Variants in GABPB2 observed in about 807,000 individuals in gnomAD.
The protein encoded by GABPB2 is GA binding protein transcription factor subunit beta 2, also known as GA-binding protein subunit beta-2.
A neutral mutation model predicts 39.1 loss-of-function variants in GABPB2; 23 were observed. The observed-to-expected ratio is 0.59, with a 90% CI of 0.42 to 0.83. The LOEUF is 0.83. Ranked by LOEUF, GABPB2 falls within the 40% of genes least tolerant of loss-of-function variation. GABPB2 has a pLI of 0.00. For synonymous variants in GABPB2, 184 were observed against 199.3 expected (o/e 0.92, Z 0.65); for missense variants, 467 against 541.1 (o/e 0.86, Z 1.36).
intron 1 of GABPB2, among the ~76,000 whole-genome samples, 195 bp from the exon 2 acceptor site, chr1:151,087,995 A>G (rs1043986288): frequency 9.9e-5 from 15 of 152,208 alleles, no homozygotes; most frequent in African/African-American, 3.6e-4. Context: ...AGAACTATGT[A>G]TTAGGGCTTG....
chr1:151,113,278 C>G (rs1680606073), intron 7 of GABPB2, among the ~76,000 whole-genome samples: 1 of 151,740 alleles, frequency 6.6e-6, no homozygotes. Context: ...ACCATCCTGG[C>G]TAACGCGGTG....
intron 1 of GABPB2, among the ~76,000 whole-genome samples, chr1:151,082,440 C>G (rs1337310006): frequency 1.7e-5 from 2 of 119,844 alleles, no homozygotes; most frequent in African/African-American, 6.4e-5. Flanking sequence ...CTTGCTCTGT[C>G]GCCCAGGCTG....
chr1:151,092,344 A>T (rs1164533396), intron 3 of GABPB2, among the ~76,000 whole-genome samples: 1 of 151,442 alleles, frequency 6.6e-6, no homozygotes, highest in East Asian at 1.9e-4. Context: ...TGACCTCGTG[A>T]TCCACCCGCC....
chr1:151,086,980 A>T (rs1024330746), intron 1 of GABPB2, among the ~76,000 whole-genome samples: 1 of 152,024 alleles, frequency 6.6e-6, no homozygotes, highest in Non-Finnish European at 1.5e-5. Flanking sequence ...TCAGCCTCCC[A>T]AGTAGCTGGG....
rs373252333 is a variant in GABPB2, at chr1:151,093,957, A to G, written c.471+571A>G. Among the ~76,000 whole-genome samples, 39 of 151,946 alleles carry G rather than the reference A, an allele frequency of 2.6e-4. No individual in the cohort carries two copies. The East Asian group carries it at 5.4e-3, about 21-fold the overall frequency. On this transcript the variant is annotated intron_variant, in intron 4 of 8. Transcript: ENST00000368918. ...AAAATTGTAAGTTGAACCCTTGTAA[A>G]TTGGGGACTATCTATGAAGCTCTAA...
rs1013737349 is a variant in GABPB2 at position 151,120,038 on chromosome 1, C to T, written c.*1782C>T. On this transcript the variant is annotated 3_prime_UTR_variant, in exon 9 of 9. Coordinates refer to ENST00000368918, the MANE Select transcript of GABPB2 (RefSeq NM_144618.3). ...CCAGCCTGACCAACATGGAGAAACC[C>T]TGTCTCTACTAAAAATACAAAATTA... is the stretch of plus-strand genomic sequence containing the variant. The T allele has an allele frequency of 1.2e-4, 19 of 152,144 alleles. No homozygotes were observed. The highest frequency in any genetic ancestry group is 3.6e-4 in the African/African-American group (15 of 41,400). 9.4% of individuals were successfully genotyped at this position (152,144 alleles called of 1,614,324 possible).
chr1:151,084,472 C>T (rs1448650312), intron 1 of GABPB2, among the ~76,000 whole-genome samples: 3 of 151,050 alleles, frequency 2.0e-5, no homozygotes, highest in African/African-American at 7.3e-5. Flanking sequence ...ATGATCAGCC[C>T]GCCTTGACCT....
At chr1:151,106,945 C>T in intron 6 of GABPB2, 92 bp from the exon 7 acceptor site, 6 of 780,416 alleles carry the variant, frequency 7.7e-6, no homozygotes, top group Non-Finnish European at 9.7e-6. Flanking sequence ...TGTTCCTCTC[C>T]CTGAATGTTG....
At chr1:151,077,944 T>C (rs1403350542) in intron 1 of GABPB2, among the ~76,000 whole-genome samples, 1 of 132,690 alleles carries the variant, frequency 7.5e-6, no homozygotes, top group Non-Finnish European at 1.6e-5. Context: ...AGAGCAAGAC[T>C]CAGTCTCAAA....
chr1:151,109,038 A>T (rs907659155), intron 7 of GABPB2, among the ~76,000 whole-genome samples: 1 of 151,798 alleles, frequency 6.6e-6, no homozygotes, highest in South Asian at 2.1e-4. Context: ...CAATTTTTTT[A>T]AAAAATAGCC....
At chr1:151,104,041 ATATCT>A (rs1457859714) in intron 6 of GABPB2, among the ~76,000 whole-genome samples, 9 of 152,154 alleles carry the variant, frequency 5.9e-5, no homozygotes, top group African/African-American at 1.7e-4. Context: ...AGCAGCCCAG[ATATCT>A]TATATTAAAG....
intron 1 of GABPB2, 100 bp downstream of exon 1, chr1:151,071,034 T>G (rs1451970499): frequency 6.6e-6 from 1 of 152,176 alleles, no homozygotes; most frequent in African/African-American, 2.4e-5. Context: ...AGCCTCGGAC[T>G]TCTGGGTGCA....
chr1:151,117,629 G>C, intron 8 of GABPB2, 113 bp downstream of exon 8: 1 of 1,177,542 alleles, frequency 8.5e-7, no homozygotes. Context: ...TGTTGCCCAG[G>C]CTGGAGTACA....
rs1678571006 is a variant in GABPB2, at chr1:151,090,431, C to T, written c.134C>T (p.Ala45Val). The change falls in exon 3 of 9, where the codon GCA becomes GTA. Residue 45 changes from alanine to valine, a missense_variant. Ala to Val is a moderately conservative substitution (Grantham distance 64). Coordinates refer to ENST00000368918, the MANE Select transcript of GABPB2 (RefSeq NM_144618.3). ...DWLGTSPLHL[A>V]AQYGHYSTAE... Reference sequence around the variant, plus strand: ...CTTGGAACATCACCCCTCCACCTTGCAGCTCAATATGGTCATTATTCCACA... The same window carrying T: ...CTTGGAACATCACCCCTCCACCTTGTAGCTCAATATGGTCATTATTCCACA... The T allele has an allele frequency of 6.2e-7, 1 of 1,613,960 alleles. No individual in the cohort carries two copies. The highest frequency in any genetic ancestry group is 1.3e-5 in the African/African-American group (1 of 75,030).
intron 1 of GABPB2, among the ~76,000 whole-genome samples, chr1:151,085,496 G>A (rs961872017): frequency 3.3e-5 from 5 of 152,088 alleles, no homozygotes; most frequent in East Asian, 1.9e-4. Flanking sequence ...GCTGGAGTGC[G>A]GTGGCACAAT....
At chr1:151,104,062 A>G (rs1241296133) in intron 6 of GABPB2, among the ~76,000 whole-genome samples, 3 of 152,228 alleles carry the variant, frequency 2.0e-5, no homozygotes, top group African/African-American at 7.2e-5. Flanking sequence ...TAAAGTATCA[A>G]AATACATGGG....
intron 4 of GABPB2, among the ~76,000 whole-genome samples, chr1:151,095,774 C>T (rs1679051882): frequency 6.6e-6 from 1 of 152,168 alleles, no homozygotes; most frequent in South Asian, 2.1e-4. Flanking sequence ...TAGCTCACGC[C>T]TGTAATCCTA....
chr1:151,093,986 A>G (rs998222251), intron 4 of GABPB2, among the ~76,000 whole-genome samples: 4 of 151,290 alleles, frequency 2.6e-5, no homozygotes, highest in African/African-American at 9.7e-5. Context: ...GCTCTAAAGC[A>G]TATTGAGTGA....
At chr1:151,115,723 G>A (rs920314676) in intron 7 of GABPB2, among the ~76,000 whole-genome samples, 4 of 152,192 alleles carry the variant, frequency 2.6e-5, no homozygotes, top group African/African-American at 4.8e-5. Context: ...TTTCTAGAGC[G>A]GCTGTACCAT....
Sources: gnomAD v4.1 joint callset for allele counts (sites outside exome capture counted in the v4.1 genomes callset) on GRCh38, gnomAD v4.1.1 for gene constraint, MANE v1.5 for transcripts, NCBI Gene and HGNC (gene_info 2026-07-23, HGNC 2026-07-21) for gene names.